CPED1: variants seen among roughly 807,000 people sequenced by gnomAD.
The protein encoded by CPED1 is cadherin like and PC-esterase domain containing 1, also known as cadherin-like and PC-esterase domain-containing protein 1.
A neutral mutation model predicts 128.2 loss-of-function variants in CPED1; 114 were observed. That is an observed-to-expected ratio of 0.89 (90% confidence interval 0.76 to 1.04). CPED1 has a LOEUF of 1.04. Among genes scored for constraint, CPED1 ranks in the 50% least tolerant of loss-of-function variants. CPED1 has a pLI of 0.00. For missense variants in CPED1, 1,211 were observed against 1,207.1 expected, an observed-to-expected ratio of 1.00 and a Z score of -0.05; for synonymous variants, 462 against 426.7, an observed-to-expected ratio of 1.08 and a Z score of -1.02.
At chr7:121,238,755 TTA>T (rs145453996) in intron 17 of CPED1, among the ~76,000 whole-genome samples, 8,643 of 148,860 alleles carry the variant, frequency 0.058, 386 homozygotes, top group Non-Finnish European at 0.079. Flanking sequence ...GGAATATATA[TTA>T]TATATATATA....
chr7:121,073,647 T>G (rs1339282429), intron 5 of CPED1, among the ~76,000 whole-genome samples: 3 of 152,168 alleles, frequency 2.0e-5, no homozygotes, highest in Non-Finnish European at 4.4e-5. Flanking sequence ...TGGCACTGCT[T>G]CTTCTTCATC....
chr7:121,027,033 A>G (rs912456859), intron 3 of CPED1, among the ~76,000 whole-genome samples: 3 of 149,810 alleles, frequency 2.0e-5, no homozygotes, highest in African/African-American at 7.4e-5. Context: ...AGAGAGGGGA[A>G]TCTCACTATG....
chr7:121,074,849 T>C (rs1399426834), intron 5 of CPED1, among the ~76,000 whole-genome samples: 1 of 152,160 alleles, frequency 6.6e-6, no homozygotes, highest in East Asian at 1.9e-4. Context: ...AAAAGCTGCA[T>C]TTTCAATACA....
chr7:121,253,125 T>C (rs1288917851), intron 18 of CPED1, among the ~76,000 whole-genome samples: 4 of 151,870 alleles, frequency 2.6e-5, no homozygotes, highest in Non-Finnish European at 4.4e-5. Context: ...TGGAATATGA[T>C]GCAGCCATAA....
At chr7:121,272,289 C>G (rs1156522864) in intron 22 of CPED1, among the ~76,000 whole-genome samples, 1 of 152,106 alleles carries the variant, frequency 6.6e-6, no homozygotes, top group Non-Finnish European at 1.5e-5. Context: ...CTGCGTTGGT[C>G]AGAGTAGAGA....
At chr7:121,106,842 C>T (rs1017501634) in intron 7 of CPED1, among the ~76,000 whole-genome samples, 5 of 152,050 alleles carry the variant, frequency 3.3e-5, no homozygotes, top group Non-Finnish European at 5.9e-5. Flanking sequence ...CTCTTTCTGC[C>T]GTTGCCCAGC....
At chr7:121,292,031 C>A (rs1424965522) in intron 22 of CPED1, among the ~76,000 whole-genome samples, 1 of 151,978 alleles carries the variant, frequency 6.6e-6, no homozygotes, top group Middle Eastern at 3.2e-3. Context: ...TGTTCTCTGT[C>A]TTTCTTGAAT....
chr7:121,288,139 G>A (rs1447446517), intron 22 of CPED1, among the ~76,000 whole-genome samples: 2 of 152,116 alleles, frequency 1.3e-5, no homozygotes, highest in Admixed American at 1.3e-4. Context: ...ACTACCAGAT[G>A]TTTTTAATGC....
At chr7:121,202,655 A>G (rs937439538) in intron 16 of CPED1, among the ~76,000 whole-genome samples, 1 of 152,110 alleles carries the variant, frequency 6.6e-6, no homozygotes, top group Non-Finnish European at 1.5e-5. Context: ...GAGTCACTAG[A>G]CTGATGGAAA....
chr7:121,088,894 T>C (rs1023409489), intron 5 of CPED1, among the ~76,000 whole-genome samples: 13 of 151,720 alleles, frequency 8.6e-5, no homozygotes, highest in African/African-American at 3.1e-4. Flanking sequence ...AATTGGATAA[T>C]TCTTTACTCA....
chr7:121,240,494 T>C (rs1268228825), intron 17 of CPED1, among the ~76,000 whole-genome samples: 1 of 152,184 alleles, frequency 6.6e-6, no homozygotes, highest in Non-Finnish European at 1.5e-5. Context: ...ACATAGTCTC[T>C]GTCAACACAG....
At chr7:121,167,990 C>T (rs958164238) in intron 16 of CPED1, among the ~76,000 whole-genome samples, 5 of 152,122 alleles carry the variant, frequency 3.3e-5, no homozygotes, top group African/African-American at 4.8e-5. Context: ...GCCTCGGCCT[C>T]CCAAAGTGCT....
At chr7:121,093,620 C>A (rs766971077) in intron 5 of CPED1, among the ~76,000 whole-genome samples, 10 of 152,132 alleles carry the variant, frequency 6.6e-5, no homozygotes, top group Admixed American at 1.3e-4. Flanking sequence ...TGGCATCTAG[C>A]AAGAGATTGA....
At chr7:121,044,648 CTCTTT>C (rs1216562589) in intron 3 of CPED1, among the ~76,000 whole-genome samples, 3 of 69,540 alleles carry the variant, frequency 4.3e-5, no homozygotes, top group Non-Finnish European at 5.6e-5. Context: ...TGACTTTCTG[CTCTTT>C]TTTTTTTTTT....
chr7:121,225,663 G>A (rs1797989102), intron 16 of CPED1, among the ~76,000 whole-genome samples: 1 of 152,058 alleles, frequency 6.6e-6, no homozygotes, highest in South Asian at 2.1e-4. Flanking sequence ...ATTTCTTGGA[G>A]GCTTTGTTCA....
chr7:121,116,962 CTA>C (rs1303377039), intron 7 of CPED1, among the ~76,000 whole-genome samples: 5,267 of 44,398 alleles, frequency 0.12, 295 homozygotes, highest in African/African-American at 0.21. Flanking sequence ...CTCTCTCTCT[CTA>C]TATATATATA....
intron 18 of CPED1, among the ~76,000 whole-genome samples, chr7:121,251,536 G>T (rs1798672585): frequency 6.6e-6 from 1 of 152,184 alleles, no homozygotes. Context: ...GTCCCTGTTT[G>T]CAGGTGACAT....
At chr7:121,129,336 C>CTT (rs1795605754) in intron 11 of CPED1, among the ~76,000 whole-genome samples, 2 of 105,416 alleles carry the variant, frequency 1.9e-5, no homozygotes, top group African/African-American at 7.9e-5. Flanking sequence ...TATATATATA[C>CTT]GTATATATAT....
chr7:121,099,475 C>A (rs1416265388), intron 6 of CPED1, among the ~76,000 whole-genome samples: 2 of 152,118 alleles, frequency 1.3e-5, no homozygotes, highest in Non-Finnish European at 2.9e-5. Context: ...TCAAGTGATT[C>A]TCCTGCCTCA....
Sources: gnomAD v4.1 joint callset for allele counts (sites outside exome capture counted in the v4.1 genomes callset) on GRCh38, gnomAD v4.1.1 for gene constraint, MANE v1.5 for transcripts, NCBI Gene and HGNC (gene_info 2026-07-23, HGNC 2026-07-21) for gene names.